The following ABI2 variants were observed in gnomAD, a reference collection of about 807,000 sequenced individuals.
The protein encoded by ABI2 is abl interactor 2, also known as abelson interactor 2.
ABI2 carries 25 observed loss-of-function variants against 59.2 expected under a neutral mutation model. The observed-to-expected ratio is 0.42, with a 90% CI of 0.31 to 0.59. The LOEUF is 0.59. Among genes scored for constraint, ABI2 ranks in the 20% least tolerant of loss-of-function variants. The pLI is 0.14. For missense variants in ABI2, 545 were observed against 681.8 expected, an observed-to-expected ratio of 0.80 and a Z score of 2.23; for synonymous variants, 213 against 235.5, an observed-to-expected ratio of 0.90 and a Z score of 0.87.
chr2:203,338,584 G>T (rs2077520584), intron 1 of ABI2, among the ~76,000 whole-genome samples: 1 of 151,980 alleles, frequency 6.6e-6, no homozygotes, highest in Non-Finnish European at 1.5e-5. Context: ...ACTGTGCTTT[G>T]TGTAAAGCCT....
chr2:203,398,169 G>A (rs542832871), intron 8 of ABI2, among the ~76,000 whole-genome samples: 1 of 152,328 alleles, frequency 6.6e-6, no homozygotes, highest in African/African-American at 2.4e-5. Context: ...GTGATGTCTT[G>A]TGGGATTCCT....
intron 4 of ABI2, among the ~76,000 whole-genome samples, chr2:203,384,445 T>TGTGC: frequency 6.6e-6 from 1 of 152,026 alleles, no homozygotes; most frequent in Admixed American, 6.5e-5. Flanking sequence ...TAGTTGGTAC[T>TGTGC]ACATGTGTGC....
intron 2 of ABI2, among the ~76,000 whole-genome samples, chr2:203,370,175 T>TAGGAG (rs1398744030): frequency 4.1e-4 from 61 of 150,170 alleles, no homozygotes; most frequent in African/African-American, 1.4e-3. Context: ...ACGTATGGTG[T>TAGGAG]CATTCTCCTA....
chr2:203,402,822 T>C, intron 9 of ABI2, 88 bp downstream of exon 9: 1 of 1,133,624 alleles, frequency 8.8e-7, no homozygotes, highest in Non-Finnish European at 1.2e-6. Context: ...AAATAGTGCA[T>C]GGTAGGTGGT....
chr2:203,347,384 TC>T (rs1283603622), intron 1 of ABI2, among the ~76,000 whole-genome samples: 1 of 152,228 alleles, frequency 6.6e-6, no homozygotes, highest in Non-Finnish European at 1.5e-5. Context: ...TAGAAAGAAA[TC>T]AATAAACTTG....
At chr2:203,340,295 T>G (rs1251862776) in intron 1 of ABI2, among the ~76,000 whole-genome samples, 1 of 152,094 alleles carries the variant, frequency 6.6e-6, no homozygotes, top group Non-Finnish European at 1.5e-5. Context: ...AGGATGAATG[T>G]GTTTTGGGGG....
At position 203,428,759 on chromosome 2, in the gene ABI2, T is replaced by G. The variant is rs1377570137; in HGVS notation, c.*1407T>G. The G allele has an allele frequency of 6.6e-6, 1 of 152,212 alleles. No individual in the cohort carries two copies. Among genetic ancestry groups the G allele is most frequent in the African/African-American group, 2.4e-5 (1 of 41,418 alleles). 9.4% of individuals were successfully genotyped at this position (152,212 alleles called of 1,614,324 possible). ...CTTGTCTCTTTGTGGGTGGTCACTG[T>G]GATGTTGGGCCAGCTCCTGTTCAGG... On this transcript the variant is annotated 3_prime_UTR_variant, in exon 12 of 12. Coordinates refer to ENST00000261018, the MANE Select transcript of ABI2 (RefSeq NM_001375670.1).
intron 4 of ABI2, among the ~76,000 whole-genome samples, chr2:203,384,457 C>T (rs1329260428): frequency 6.6e-6 from 1 of 151,880 alleles, no homozygotes; most frequent in Non-Finnish European, 1.5e-5. Flanking sequence ...CATGTGTGCA[C>T]CACCATGCCT....
At position 203,396,778 on chromosome 2, in the gene ABI2, C is replaced by T. The variant is rs2097010057; in HGVS notation, c.851-7C>T. The T allele has an allele frequency of 2.0e-6, 3 of 1,521,096 alleles. No homozygotes were observed. In the South Asian group the frequency reaches 3.7e-5, roughly 19 times the overall value. The allele number at this position is 1,521,096 out of a possible 1,614,324, so 94.2% of individuals were successfully genotyped here. ...TAATGCTGCCTCTTACTCCTCTTTCCCCTCAGCCCCTGCTGGCTCTGCTGG... is the reference window on the plus strand; with the variant it reads ...TAATGCTGCCTCTTACTCCTCTTTCTCCTCAGCCCCTGCTGGCTCTGCTGG... On this transcript the variant is annotated splice_region_variant and splice_polypyrimidine_tract_variant and intron_variant, in intron 7 of 11. Coordinates refer to ENST00000261018, the MANE Select transcript of ABI2 (RefSeq NM_001375670.1).
intron 5 of ABI2, among the ~76,000 whole-genome samples, chr2:203,394,116 T>C (rs142830930): frequency 8.2e-4 from 125 of 152,270 alleles, no homozygotes; most frequent in African/African-American, 2.9e-3. Flanking sequence ...AGGTGAAAGT[T>C]GAGGGAGAAA....
intron 8 of ABI2, among the ~76,000 whole-genome samples, chr2:203,397,857 C>T (rs569180441): frequency 2.0e-5 from 3 of 152,258 alleles, no homozygotes; most frequent in African/African-American, 7.2e-5. Context: ...GTGCTACACA[C>T]TTTTAAACAA....
At chr2:203,385,774 T>C (rs2096481880) in intron 4 of ABI2, among the ~76,000 whole-genome samples, 5 of 152,208 alleles carry the variant, frequency 3.3e-5, no homozygotes, top group Admixed American at 3.3e-4. Context: ...CCATCAATTC[T>C]GTTTTGACAA....
chr2:203,412,361 C>T (rs2097713276), intron 10 of ABI2, among the ~76,000 whole-genome samples: 1 of 152,190 alleles, frequency 6.6e-6, no homozygotes, highest in African/African-American at 2.4e-5. Flanking sequence ...GCTTCTGTAG[C>T]TGACCAAATG....
intron 1 of ABI2, among the ~76,000 whole-genome samples, chr2:203,365,272 T>TC (rs2152976433): frequency 6.6e-6 from 1 of 152,344 alleles, no homozygotes; most frequent in South Asian, 2.1e-4. Flanking sequence ...CAGCTTTTTT[T>TC]CACTTAGTTA....
chr2:203,391,251 T>C, intron 5 of ABI2, 108 bp downstream of exon 5: 1 of 747,704 alleles, frequency 1.3e-6, no homozygotes, highest in Non-Finnish European at 2.0e-6. Flanking sequence ...AACATTTTCT[T>C]TGTAGGATTG....
chr2:203,339,643 G>A (rs2078748351), intron 1 of ABI2, among the ~76,000 whole-genome samples: 1 of 150,998 alleles, frequency 6.6e-6, no homozygotes, highest in African/African-American at 2.4e-5. Flanking sequence ...ATTAAAAATA[G>A]GACAAACATA....
chr2:203,403,533 C>T (rs922154930), intron 9 of ABI2, among the ~76,000 whole-genome samples: 9 of 152,044 alleles, frequency 5.9e-5, no homozygotes, highest in African/African-American at 1.9e-4. Flanking sequence ...TTGAAAGAGT[C>T]TTGCAGAAGA....
At chr2:203,354,461 A>G (rs1035128540) in intron 1 of ABI2, among the ~76,000 whole-genome samples, 2 of 152,192 alleles carry the variant, frequency 1.3e-5, no homozygotes, top group East Asian at 1.9e-4. Context: ...GGATGTATGA[A>G]TCTTATATGA....
At chr2:203,329,956 C>T (rs779018442) in intron 1 of ABI2, among the ~76,000 whole-genome samples, 1 of 151,946 alleles carries the variant, frequency 6.6e-6, no homozygotes, top group African/African-American at 2.4e-5. Flanking sequence ...AGACTGGTCT[C>T]GAACTCCTGA....
Sources: allele counts gnomAD v4.1 joint callset (sites outside exome capture counted in the v4.1 genomes callset), GRCh38; gene constraint gnomAD v4.1.1; transcripts MANE v1.5; gene names NCBI Gene and HGNC (gene_info 2026-07-23, HGNC 2026-07-21).